Variants in SYNE2 observed in about 807,000 individuals in gnomAD.
SYNE2 encodes spectrin repeat containing nuclear envelope protein 2, also known as nesprin-2.
In SYNE2, 431 loss-of-function variants were observed where a neutral mutation model predicts 856.3. The observed-to-expected ratio is 0.50, with a 90% CI of 0.47 to 0.55. SYNE2 has a LOEUF of 0.55. Ranked by LOEUF, SYNE2 falls within the 20% of genes least tolerant of loss-of-function variation. The pLI is 0.00. For synonymous variants in SYNE2, 2,923 were observed against 2,872.3 expected (o/e 1.02, Z -0.56); for missense variants, 8,129 against 8,023.2 (o/e 1.01, Z -0.50).
intron 85 of SYNE2, among the ~76,000 whole-genome samples, chr14:64,155,236 T>C (rs957758498): frequency 6.6e-6 from 1 of 152,182 alleles, no homozygotes; most frequent in Admixed American, 6.6e-5. Context: ...TACTAATGAA[T>C]GTATAAAGAA....
At chr14:64,088,217 A>G (rs1388760572) in intron 58 of SYNE2, among the ~76,000 whole-genome samples, 1 of 152,190 alleles carries the variant, frequency 6.6e-6, no homozygotes, top group Non-Finnish European at 1.5e-5. Flanking sequence ...CAAGCACTAT[A>G]CAACTAATCA....
At position 64,087,093 on chromosome 14, in the gene SYNE2, TA is replaced by T. The variant is rs56917782; in HGVS notation, c.11485-559del. On this transcript the variant is annotated intron_variant, in intron 57 of 115. Transcript: ENST00000555002. ...TGATGCTGTTGTCAGTGATAATTGG[TA>T]AAAAAAAAAAAAAAAAAAGCATTGG... is the stretch of plus-strand genomic sequence containing the variant. Among the ~76,000 whole-genome samples, 83 of 98,434 alleles carry T rather than the reference TA, an allele frequency of 8.4e-4. 2 individuals are homozygous for T. Among genetic ancestry groups the T allele is most frequent in the East Asian group, 5.3e-3 (16 of 3,012 alleles). The allele number at this position is 98,434 out of a possible 152,430, so 64.6% of individuals were successfully genotyped here.
intron 38 of SYNE2, 62 bp from the exon 39 acceptor site, chr14:64,024,195 G>A: frequency 6.8e-7 from 1 of 1,464,838 alleles, no homozygotes; most frequent in Non-Finnish European, 9.5e-7. Flanking sequence ...GTGTCGTGAG[G>A]GTGGCAGAGA....
chr14:64,138,262 A>G (rs2098112374), intron 79 of SYNE2, among the ~76,000 whole-genome samples: 1 of 151,878 alleles, frequency 6.6e-6, no homozygotes, highest in Non-Finnish European at 1.5e-5. Flanking sequence ...TTGCACTGTC[A>G]CCCAGGCTGG....
intron 2 of SYNE2, among the ~76,000 whole-genome samples, chr14:63,923,804 C>CTT (rs527470602): frequency 4.8e-5 from 7 of 144,702 alleles, no homozygotes; most frequent in East Asian, 2.0e-4. Context: ...GATTTTAGAA[C>CTT]TTTTTTTTTT....
At chr14:64,189,334 CAAAA>C (rs535544098) in intron 98 of SYNE2, among the ~76,000 whole-genome samples, 4 of 132,386 alleles carry the variant, frequency 3.0e-5, no homozygotes, top group African/African-American at 1.1e-4. Flanking sequence ...AATTCCATCT[CAAAA>C]AAAAAAAAGA....
intron 53 of SYNE2, among the ~76,000 whole-genome samples, chr14:64,074,439 G>A (rs1167532608): frequency 6.6e-6 from 1 of 152,172 alleles, no homozygotes; most frequent in African/African-American, 2.4e-5. Context: ...CCACTCTTAA[G>A]TAGTATGTTA....
chr14:63,957,484 G>T (rs1163574207), intron 8 of SYNE2, among the ~76,000 whole-genome samples: 1 of 151,616 alleles, frequency 6.6e-6, no homozygotes, highest in Non-Finnish European at 1.5e-5. Flanking sequence ...GTCCAGGCTG[G>T]TCTTGAACTC....
intron 1 of SYNE2, among the ~76,000 whole-genome samples, chr14:63,824,632 C>T (rs1398343956): frequency 9.7e-6 from 1 of 102,864 alleles, no homozygotes; most frequent in African/African-American, 3.3e-5. Context: ...GAGCGAGAAT[C>T]TGTCTCAAAA....
At chr14:64,010,227 A>G in intron 32 of SYNE2, 111 bp downstream of exon 32, 1 of 1,173,462 alleles carries the variant, frequency 8.5e-7, no homozygotes, top group Non-Finnish European at 1.2e-6. Flanking sequence ...AAAAGAAGTT[A>G]CTAGTGACCC....
At chr14:63,973,421 C>T (rs2096495938) in intron 11 of SYNE2, among the ~76,000 whole-genome samples, 1 of 151,882 alleles carries the variant, frequency 6.6e-6, no homozygotes, top group Admixed American at 6.6e-5. Context: ...CACCTGAGGT[C>T]AGGAGTTCGA....
chr14:64,171,676 C>G (rs1002738263), intron 94 of SYNE2, among the ~76,000 whole-genome samples: 1 of 152,132 alleles, frequency 6.6e-6, no homozygotes, highest in Admixed American at 6.5e-5. Flanking sequence ...GGCAAAAAGG[C>G]CAGTGTGACT....
At chr14:63,764,836 T>C (rs1886615006) in intron 1 of SYNE2, among the ~76,000 whole-genome samples, 1 of 152,058 alleles carries the variant, frequency 6.6e-6, no homozygotes. Flanking sequence ...TGGCCCCAGC[T>C]ACTTGGGAGG....
intron 99 of SYNE2, among the ~76,000 whole-genome samples, chr14:64,197,946 G>A (rs1178908354): frequency 3.3e-5 from 5 of 152,084 alleles, no homozygotes; most frequent in East Asian, 1.9e-4. Context: ...AATTTAAAGC[G>A]GCTCTTAGGC....
Position 64,225,145 on chromosome 14 carries a change from G to A in SYNE2, c.20516+100G>A, listed in dbSNP as rs551308661. ...CTATCAAGGTCCTTGCAAAAATCTG[G>A]TTTTCTTTTGTCTGGAAAGGGCTGG... On this transcript the variant is annotated intron_variant, in intron 115 of 115. Transcript: ENST00000555002. The A allele has an allele frequency of 1.7e-5, 26 of 1,556,656 alleles. No homozygotes were observed. The South Asian group carries it at 2.8e-4, about 17-fold the overall frequency.
rs1279652414 is a variant in SYNE2 at position 64,225,027 on chromosome 14, A to T, written c.20498A>T (p.Glu6833Val). 1 of 1,613,762 alleles carries T rather than the reference A, an allele frequency of 6.2e-7. No homozygotes were observed. Among genetic ancestry groups the T allele is most frequent in the East Asian group, 2.2e-5 (1 of 44,868 alleles). The change falls in exon 115 of 116, where the codon GAG becomes GTG. Residue 6833 changes from glutamate to valine, a missense_variant. Glu to Val is a moderately radical substitution (Grantham distance 121). Around this residue, in one of 3 missense-constraint regions of SYNE2, gnomAD observed 5,410 missense variants for 5,284.8 expected, o/e 1.02. Transcript: ENST00000555002. ...AGAGCAGTGAGAACTACAGAAGGCGAGGAGGAGACAGAGAGCAGGTAACGG... is the reference window on the plus strand; with the variant it reads ...AGAGCAGTGAGAACTACAGAAGGCGTGGAGGAGACAGAGAGCAGGTAACGG... ...KFRAVRTTEG[E>V]EETESRVPGS...
intron 45 of SYNE2, among the ~76,000 whole-genome samples, chr14:64,038,085 C>T (rs1420503336): frequency 2.7e-5 from 4 of 149,022 alleles, no homozygotes; most frequent in African/African-American, 5.0e-5. Context: ...ACTTCTCAGA[C>T]GGGGCGGCCG....
At chr14:64,024,061 A>G (rs1240005197) in intron 38 of SYNE2, 196 bp from the exon 39 acceptor site, 3 of 546,434 alleles carry the variant, frequency 5.5e-6, no homozygotes, top group African/African-American at 1.9e-5. Context: ...ACTTTGCTTG[A>G]TGTAATTCCC....
intron 99 of SYNE2, among the ~76,000 whole-genome samples, chr14:64,192,028 T>C (rs528095023): frequency 6.6e-6 from 1 of 152,330 alleles, no homozygotes; most frequent in East Asian, 1.9e-4. Context: ...CCAGCATTTA[T>C]GGAGTGGTTG....
Sources: allele counts gnomAD v4.1 joint callset (sites outside exome capture counted in the v4.1 genomes callset), GRCh38; gene constraint gnomAD v4.1.1; regional missense constraint gnomAD v4.1.1; transcripts MANE v1.5; gene names NCBI Gene and HGNC (gene_info 2026-07-23, HGNC 2026-07-21).